The following STON2 variants were observed in gnomAD, a reference collection of about 807,000 sequenced individuals.
STON2 encodes the protein stonin-2.
Under a neutral mutation model 65.7 loss-of-function variants are expected in STON2, and 29 were observed. That is an observed-to-expected ratio of 0.44 (90% confidence interval 0.33 to 0.60). STON2 has a LOEUF of 0.60. Among genes scored for constraint, STON2 ranks in the 20% least tolerant of loss-of-function variants. The probability of loss-of-function intolerance (pLI) is 0.03; values close to 1 mark genes in which losing one functional copy is unlikely to be tolerated. For missense variants in STON2, 1,054 were observed against 1,118.1 expected (o/e 0.94, Z 0.82); for synonymous variants, 404 against 414.2 (o/e 0.98, Z 0.30).
intron 7 of STON2, chr14:81,270,123 T>A (rs1894513449): frequency 1.2e-6 from 1 of 831,762 alleles, no homozygotes; most frequent in South Asian, 5.5e-5. Context: ...AGTCTCGCTC[T>A]GTCACTCAGG....
Position 81,277,727 on chromosome 14 carries a change from A to C in STON2, c.1755T>G (p.Ile585Met). ...CATCGTAATTGGTGGTGCCCAGCTTAATCACCTGTTCCCTCTCTGCTGTGT... is the reference window on the plus strand; with the variant it reads ...CATCGTAATTGGTGGTGCCCAGCTTCATCACCTGTTCCCTCTCTGCTGTGT... The part of the protein sequence containing the change: ...VAHTAEREQV[I>M]KLGTTNYDDF... The change falls in exon 6 of 8, where the codon ATT becomes ATG. Residue 585 changes from isoleucine to methionine, a missense_variant. Physicochemically the swap from Ile to Met is conservative, Grantham distance 10 (BLOSUM62 1). Transcript: ENST00000614646. The C allele has an allele frequency of 6.2e-7, 1 of 1,614,182 alleles. No homozygotes were observed. The highest frequency in any genetic ancestry group is 8.5e-7 in the Non-Finnish European group (1 of 1,180,032).
intron 4 of STON2, among the ~76,000 whole-genome samples, chr14:81,347,163 T>A: frequency 1.3e-5 from 2 of 149,478 alleles, no homozygotes; most frequent in Non-Finnish European, 1.5e-5. Context: ...TAAAGAAAAT[T>A]GATAAACCTT....
chr14:81,410,267 G>A (rs966268933), intron 2 of STON2, among the ~76,000 whole-genome samples: 4 of 89,350 alleles, frequency 4.5e-5, no homozygotes, highest in Admixed American at 3.7e-4. Flanking sequence ...GCAGATGAAT[G>A]TAACTCTAAC....
chr14:81,303,101 T>C (rs1896035436), intron 5 of STON2, among the ~76,000 whole-genome samples: 1 of 150,282 alleles, frequency 6.7e-6, no homozygotes, highest in African/African-American at 2.5e-5. Context: ...AGATAATGAA[T>C]ACAAATGAGA....
At chr14:81,422,227 G>GGAGT (rs1395265474) in intron 2 of STON2, among the ~76,000 whole-genome samples, 2 of 152,100 alleles carry the variant, frequency 1.3e-5, no homozygotes, top group Admixed American at 1.3e-4. Flanking sequence ...CATTCTCACA[G>GGAGT]GAGTGAGTGA....
rs141201471 is a variant in STON2 at position 81,267,930 on chromosome 14, C to T, written c.*484G>A. 103 of 985,610 alleles carry T rather than the reference C, an allele frequency of 1.0e-4. No homozygotes were observed. In the East Asian group the frequency reaches 0.011, roughly 108 times the overall value. The allele number at this position is 985,610 out of a possible 1,614,324, so 61.1% of individuals were successfully genotyped here. The stretch of plus-strand genomic sequence containing the variant: ...AGACCCAAAGAGGAAATTTGTTTTG[C>T]ACCTTTTCTGAACCTTTTCTAGACA... On this transcript the variant is annotated 3_prime_UTR_variant, in exon 8 of 8. Coordinates refer to ENST00000614646, the MANE Select transcript of STON2 (RefSeq NM_001394390.1).
chr14:81,286,289 T>C (rs894390818), intron 5 of STON2, among the ~76,000 whole-genome samples: 1 of 152,184 alleles, frequency 6.6e-6, no homozygotes, highest in African/African-American at 2.4e-5. Context: ...TTAAATGTTA[T>C]CAAATAGCAT....
chr14:81,306,167 CTATATA>C (rs1555397650), intron 5 of STON2, among the ~76,000 whole-genome samples: 1,394 of 132,324 alleles, frequency 0.011, 30 homozygotes, highest in African/African-American at 0.038. Flanking sequence ...CTCTCTCTCT[CTATATA>C]TATATATATA....
chr14:81,377,877 T>C (rs1373806045), intron 3 of STON2, among the ~76,000 whole-genome samples: 1 of 151,996 alleles, frequency 6.6e-6, no homozygotes, highest in East Asian at 1.9e-4. Flanking sequence ...GATGGAGTTT[T>C]GCTCTTGTTG....
At chr14:81,430,691 T>C (rs1902193078) in intron 1 of STON2, among the ~76,000 whole-genome samples, 1 of 152,198 alleles carries the variant, frequency 6.6e-6, no homozygotes, top group South Asian at 2.1e-4. Context: ...GCAGTAACAC[T>C]AAAGTCTACC....
Position 81,370,998 on chromosome 14 carries a change from A to T in STON2, c.561T>A (p.Ala187=). 3 of 1,612,516 alleles carry T rather than the reference A, an allele frequency of 1.9e-6. No homozygotes were observed. The highest frequency in any genetic ancestry group is 2.5e-6 in the Non-Finnish European group (3 of 1,179,890). ...AGAGCTCCATCTTACCAGTTGAGTC[A>T]GCCCCAGAAGCCTGGCCACTCGTCT... is the stretch of plus-strand genomic sequence containing the variant. ...EEQTSGQASG[A]DSTDKRTEWQ... Residue 187 remains alanine (A), a synonymous_variant, in exon 4 of 8, where the codon GCT becomes GCA. Coordinates refer to ENST00000614646, the MANE Select transcript of STON2 (RefSeq NM_001394390.1).
Position 81,278,105 on chromosome 14 carries a change from A to G in STON2, c.1377T>C (p.Pro459=), listed in dbSNP as rs143945740. The G allele has an allele frequency of 9.7e-5, 157 of 1,614,054 alleles. No homozygotes were observed. The highest frequency in any genetic ancestry group is 1.2e-4 in the Non-Finnish European group (139 of 1,180,044). ...DPDHFGSATL[P]DDDPVAWIEL... is the part of the protein sequence containing the mutation. ...CAATCCAGGCTACTGGGTCATCATCAGGTAGAGTTGCACTGCCAAAGTGAT... is the reference window on the plus strand; with the variant it reads ...CAATCCAGGCTACTGGGTCATCATCGGGTAGAGTTGCACTGCCAAAGTGAT... Residue 459 remains proline, a synonymous_variant, in exon 6 of 8, where the codon CCT becomes CCC. Transcript: ENST00000614646.
Position 81,265,892 on chromosome 14 carries a change from G to C in STON2, c.*2522C>G, listed in dbSNP as rs551019017. ...CAGAGATCTTGACAGAGTGCTAAGC[G>C]TGAGTGACTAAGGAAGGTGCTGGGA... On this transcript the variant is annotated 3_prime_UTR_variant, in exon 8 of 8. Coordinates refer to ENST00000614646, the MANE Select transcript of STON2 (RefSeq NM_001394390.1). The C allele has an allele frequency of 1.0e-6, 1 of 985,116 alleles. No individual in the cohort carries two copies. The highest frequency in any genetic ancestry group is 1.7e-5 in the African/African-American group (1 of 57,168). The allele number at this position is 985,116 out of a possible 1,614,324, so 61.0% of individuals were successfully genotyped here.
rs780635917 is a variant in STON2, at chr14:81,371,117, A to C, written c.442T>G (p.Ser148Ala). ...GAATGGGTGGTCCAGCTGCTCTCAG[A>C]AGTCAGAGGGCATCTCCCCAGGGAG... ...FDSLGRCPLT[S>A]ESSWTTHSED... is the part of the protein sequence containing the mutation. The change falls in exon 4 of 8, where the codon TCT becomes GCT. Residue 148 changes from serine (S) to alanine (A), a missense_variant. Coordinates refer to ENST00000614646, the MANE Select transcript of STON2 (RefSeq NM_001394390.1). The C allele has an allele frequency of 9.9e-6, 16 of 1,614,126 alleles. No homozygotes were observed. Among genetic ancestry groups the C allele is most frequent in the Non-Finnish European group, 1.4e-5 (16 of 1,180,000 alleles).
Position 81,264,364 on chromosome 14 carries a change from A to T in STON2, c.*4050T>A. 1.0e-6 allele frequency: 1 copy of T among 973,728 alleles called. No homozygotes were observed. Among genetic ancestry groups the T allele is most frequent in the Non-Finnish European group, 1.2e-6 (1 of 818,760 alleles). The allele number at this position is 973,728 out of a possible 1,614,324, so 60.3% of individuals were successfully genotyped here. On this transcript the variant is annotated 3_prime_UTR_variant, in exon 8 of 8. Coordinates refer to ENST00000614646, the MANE Select transcript of STON2 (RefSeq NM_001394390.1). The stretch of plus-strand genomic sequence containing the variant: ...GGCTTTATTATGAGTATTTGATGAT[A>T]AGTAAGGGTTAAGTAGCCTTCGAGT...
chr14:81,422,998 G>A (rs1375771433), intron 2 of STON2, among the ~76,000 whole-genome samples: 2 of 151,038 alleles, frequency 1.3e-5, no homozygotes, highest in Admixed American at 6.6e-5. Flanking sequence ...TGGCACCACC[G>A]CACTCCAGCC....
chr14:81,388,163 T>C (rs1009746594), intron 3 of STON2, among the ~76,000 whole-genome samples: 4 of 151,812 alleles, frequency 2.6e-5, no homozygotes, highest in Admixed American at 2.6e-4. Context: ...TTGGCCAGGC[T>C]GGTCTCAAAC....
At chr14:81,428,451 G>A (rs1902087973) in intron 1 of STON2, among the ~76,000 whole-genome samples, 1 of 152,202 alleles carries the variant, frequency 6.6e-6, no homozygotes, top group African/African-American at 2.4e-5. Context: ...GGCCAGGCAT[G>A]GTGGCTCACG....
chr14:81,274,303 A>T (rs1894718378), intron 6 of STON2, among the ~76,000 whole-genome samples: 1 of 152,212 alleles, frequency 6.6e-6, no homozygotes, highest in Non-Finnish European at 1.5e-5. Flanking sequence ...AGTAAGAAAC[A>T]TCAACAGATA....
Sources: allele counts gnomAD v4.1 joint callset (sites outside exome capture counted in the v4.1 genomes callset), GRCh38; gene constraint gnomAD v4.1.1; transcripts MANE v1.5; gene names NCBI Gene and HGNC (gene_info 2026-07-23, HGNC 2026-07-21).